The following OTOG variants were observed in gnomAD, a reference collection of about 807,000 sequenced individuals.
OTOG encodes the protein otogelin.
A neutral mutation model predicts 313.8 loss-of-function variants in OTOG; 296 were observed. The ratio of observed to expected loss-of-function variants is 0.94; its 90% CI spans 0.86 to 1.04. OTOG has a LOEUF of 1.04. OTOG is among the 50% of genes least tolerant of loss of function. OTOG has a pLI of 0.00. For missense variants in OTOG, 3,948 were observed against 3,840.1 expected, an observed-to-expected ratio of 1.03 and a Z score of -0.74; for synonymous variants, 1,533 against 1,554.9, an observed-to-expected ratio of 0.99 and a Z score of 0.33.
intron 26 of OTOG, 66 bp downstream of exon 26, chr11:17,593,393 G>A: frequency 7.2e-6 from 11 of 1,525,672 alleles, no homozygotes; most frequent in Non-Finnish European, 9.7e-6. Context: ...GGGCAGAAGA[G>A]GGCTGAGGAC....
Position 17,612,775 on chromosome 11 carries a change from C to G in OTOG, c.6438+10C>G, listed in dbSNP as rs1180487550. ...CAAAAGTGCCAACCTGGTGCCTGCC[C>G]CATACCTCCCTCCCTGCTGGGGACT... On this transcript the variant is annotated intron_variant, in intron 38 of 55. Coordinates refer to ENST00000399397, the MANE Select transcript of OTOG (RefSeq NM_001292063.2). 1.2e-5 allele frequency: 18 copies of G among 1,549,424 alleles called. No individual in the cohort carries two copies. The highest frequency in any genetic ancestry group is 1.4e-5 in the Non-Finnish European group (16 of 1,146,448).
At position 17,608,532 on chromosome 11, in the gene OTOG, C is replaced by T. The variant is rs556173697; in HGVS notation, c.4274+119C>T. 3.5e-4 allele frequency: 234 copies of T among 666,438 alleles called. No homozygotes were observed. The African/African-American group carries it at 3.6e-3, about 10-fold the overall frequency. The allele number at this position is 666,438 out of a possible 1,614,324, so 41.3% of individuals were successfully genotyped here. A position where few individuals can be genotyped will look rare whatever the true frequency, so the allele number is the denominator to read the frequency against. On this transcript the variant is annotated intron_variant, in intron 34 of 55. Coordinates refer to ENST00000399397, the MANE Select transcript of OTOG (RefSeq NM_001292063.2). ...TGAGTGTATGGGGATGTGTGTACCA[C>T]GGTAACTGTGTCTTTCCGTATATGC...
chr11:17,573,042 C>T (rs866591171), intron 18 of OTOG, 36 bp from the exon 19 acceptor site: 3 of 1,504,040 alleles, frequency 2.0e-6, no homozygotes, highest in Non-Finnish European at 1.8e-6. Flanking sequence ...TAGACCGACT[C>T]CCCTGACTGC....
At chr11:17,636,324 T>C (rs1255175459) in intron 47 of OTOG, among the ~76,000 whole-genome samples, 1 of 152,180 alleles carries the variant, frequency 6.6e-6, no homozygotes, top group East Asian at 1.9e-4. Context: ...CTGTTAAGCA[T>C]AGTGCAGCCA....
chr11:17,581,443 C>T (rs1852663375), intron 23 of OTOG, among the ~76,000 whole-genome samples: 1 of 152,172 alleles, frequency 6.6e-6, no homozygotes. Context: ...ACATTCGCCT[C>T]CCAGCTCAGA....
rs7111528 is a variant in OTOG at position 17,611,104 on chromosome 11, C to G, written c.5804C>G (p.Thr1935Arg). 5 of 1,550,292 alleles carry G rather than the reference C, an allele frequency of 3.2e-6. No homozygotes were observed. The African/African-American group carries it at 4.1e-5, about 13-fold the overall frequency. Residue 1935 changes from threonine (T) to arginine (R), a missense_variant, in exon 36 of 56, where the codon ACG (threonine) becomes AGG (arginine). Physicochemically the swap from Thr to Arg is moderately conservative, Grantham distance 71. Coordinates refer to ENST00000399397, the MANE Select transcript of OTOG (RefSeq NM_001292063.2). ...GCAGAGGGTGGGCCCACAGAGCTCA[C>G]GCCTGCTACGAGCCACCCTCTCACG... ...GSAEGGPTEL[T>R]PATSHPLTPL... is the part of the protein sequence containing the mutation.
intron 24 of OTOG, among the ~76,000 whole-genome samples, chr11:17,589,459 C>T (rs1852880201): frequency 6.6e-6 from 1 of 152,204 alleles, no homozygotes. Context: ...AACTAAGTGT[C>T]CGTGTTCCTA....
At chr11:17,569,406 G>A in intron 16 of OTOG, 118 bp downstream of exon 16, 1 of 1,387,930 alleles carries the variant, frequency 7.2e-7, no homozygotes, top group Non-Finnish European at 9.8e-7. Flanking sequence ...CTAGTACTGG[G>A]TAGATCAGGA....
intron 32 of OTOG, among the ~76,000 whole-genome samples, chr11:17,605,537 C>T (rs181207721): frequency 6.6e-6 from 1 of 152,156 alleles, no homozygotes; most frequent in African/African-American, 2.4e-5. Flanking sequence ...ACATTGAGGG[C>T]ACTCAAACAT....
intron 16 of OTOG, 127 bp downstream of exon 16, chr11:17,569,415 G>A: frequency 7.6e-7 from 1 of 1,309,304 alleles, no homozygotes; most frequent in Non-Finnish European, 1.0e-6. Flanking sequence ...GGTAGATCAG[G>A]ATAGGGGACA....
chr11:17,645,915 C>A lies in OTOG; in HGVS notation c.8713C>A (p.Pro2905Thr). ...ATWVPYTVQE[P>T]TDCACQWS The stretch of plus-strand genomic sequence containing the variant: ...CTGGGTGCCCTATACAGTGCAGGAG[C>A]CCACCGACTGTGCCTGCCAGTGGTC... Residue 2905 changes from proline (P) to threonine (T), a missense_variant, in exon 56 of 56, where the codon CCC becomes ACC. Pro to Thr is a conservative substitution (Grantham distance 38). Coordinates refer to ENST00000399397, the MANE Select transcript of OTOG (RefSeq NM_001292063.2). The A allele has an allele frequency of 6.5e-7, 1 of 1,550,028 alleles. No homozygotes were observed. Among genetic ancestry groups the A allele is most frequent in the African/African-American group, 1.4e-5 (1 of 73,182 alleles).
intron 42 of OTOG, 71 bp downstream of exon 42, chr11:17,632,297 C>T (rs948230186): frequency 6.8e-7 from 1 of 1,462,104 alleles, no homozygotes; most frequent in Non-Finnish European, 9.1e-7. Flanking sequence ...TGGGAAAAGG[C>T]TCCCGGCCCC....
intron 10 of OTOG, among the ~76,000 whole-genome samples, 189 bp downstream of exon 10, chr11:17,558,833 T>A (rs1186340461): frequency 6.6e-6 from 1 of 152,238 alleles, no homozygotes; most frequent in Non-Finnish European, 1.5e-5. Context: ...CCGGACCCCG[T>A]TAGGGTCACA....
At chr11:17,573,046 T>G in intron 18 of OTOG, 32 bp from the exon 19 acceptor site, 1 of 1,512,958 alleles carries the variant, frequency 6.6e-7, no homozygotes, top group Non-Finnish European at 8.9e-7. Flanking sequence ...CCGACTCCCC[T>G]GACTGCCTGG....
chr11:17,631,281 A>C (rs143727956), intron 40 of OTOG, among the ~76,000 whole-genome samples: 1 of 152,068 alleles, frequency 6.6e-6, no homozygotes, highest in Admixed American at 6.5e-5. Context: ...AAAGCTTATA[A>C]AAATTTAGAA....
In OTOG at chr11:17,552,011, C is replaced by A. The variant is rs1355064571; in HGVS notation, c.228C>A (p.Ala76=). The change falls in exon 4 of 56, where the codon GCC becomes GCA. Residue 76 remains alanine, a synonymous_variant. Coordinates refer to ENST00000399397, the MANE Select transcript of OTOG (RefSeq NM_001292063.2). ...ATVVGGQQAE[A]PDSVAMSSWE... is the part of the protein sequence containing the mutation. The stretch of plus-strand genomic sequence containing the variant: ...CCTGTCTTCACAAGCAGGCTGAAGC[C>A]CCAGACTCCGTGGCCATGTCTTCCT... The A allele has an allele frequency of 1.3e-6, 2 of 1,550,464 alleles. No homozygotes were observed. Among genetic ancestry groups the A allele is most frequent in the Non-Finnish European group, 1.7e-6 (2 of 1,146,892 alleles).
At chr11:17,569,847 A>T (rs1420367323) in intron 16 of OTOG, among the ~76,000 whole-genome samples, 1 of 152,240 alleles carries the variant, frequency 6.6e-6, no homozygotes, top group Non-Finnish European at 1.5e-5. Context: ...ATGAGCTTCC[A>T]TAATAAAACT....
chr11:17,607,665 T>C (rs1853422256), intron 33 of OTOG, among the ~76,000 whole-genome samples: 1 of 152,232 alleles, frequency 6.6e-6, no homozygotes, highest in Non-Finnish European at 1.5e-5. Flanking sequence ...TCACACGACC[T>C]GCACTCTCAG....
At chr11:17,613,265 T>TTCTTTCTTTCTTTCTC (rs1853634192) in intron 38 of OTOG, among the ~76,000 whole-genome samples, 1 of 138,692 alleles carries the variant, frequency 7.2e-6, no homozygotes, top group Non-Finnish European at 1.5e-5. Context: ...CTTTCTTTCT[T>TTCTTTCTTTCTTTCTC]TCTCTCTCTG....
Sources: allele counts gnomAD v4.1 joint callset (sites outside exome capture counted in the v4.1 genomes callset), GRCh38; gene constraint gnomAD v4.1.1; transcripts MANE v1.5; gene names NCBI Gene and HGNC (gene_info 2026-07-23, HGNC 2026-07-21).